Variants in KCNH7 observed in about 807,000 individuals in gnomAD.
The protein encoded by KCNH7 is voltage-gated inwardly rectifying potassium channel KCNH7.
KCNH7 carries 49 observed loss-of-function variants against 120.8 expected under a neutral mutation model. The observed-to-expected ratio is 0.41, with a 90% CI of 0.32 to 0.51. The LOEUF (loss-of-function observed/expected upper bound fraction) is 0.51, where lower values mean the gene tolerates loss of function less well. Among genes scored for constraint, KCNH7 ranks in the 20% least tolerant of loss-of-function variants. The pLI is 0.38. For synonymous variants in KCNH7, 547 were observed against 516.1 expected, an observed-to-expected ratio of 1.06 and a Z score of -0.81; for missense variants, 1,097 against 1,446.6, an observed-to-expected ratio of 0.76 and a Z score of 3.92.
At chr2:162,483,429 G>A (rs1240349586) in intron 6 of KCNH7, among the ~76,000 whole-genome samples, 1 of 152,114 alleles carries the variant, frequency 6.6e-6, no homozygotes, top group Non-Finnish European at 1.5e-5. Flanking sequence ...CACATAGAAT[G>A]GAAGAGGGAT....
In KCNH7 at chr2:162,518,017, G is replaced by A. The variant is rs1004219995; in HGVS notation, c.605C>T (p.Ser202Phe). The part of the protein sequence containing the change: ...DDSVAMKHFK[S>F]PTKESCSPSE... ...GGGGCTGCAGCTTTCTTTTGTAGGAGACTTAAAATGCTTCATGGCTACTGA... is the reference window on the plus strand; with the variant it reads ...GGGGCTGCAGCTTTCTTTTGTAGGAAACTTAAAATGCTTCATGGCTACTGA... Residue 202 changes from serine (S) to phenylalanine (F), a missense_variant, in exon 4 of 16, where the codon TCT (serine) becomes TTT (phenylalanine). By Grantham distance (155) the Ser-to-Phe change is radical. Transcript: ENST00000332142. 1.9e-6 allele frequency: 3 copies of A among 1,612,308 alleles called. No homozygotes were observed. The highest frequency in any genetic ancestry group is 1.7e-5 in the Admixed American group (1 of 59,904).
chr2:162,403,178 T>C (rs1687113672), intron 9 of KCNH7, among the ~76,000 whole-genome samples: 1 of 151,912 alleles, frequency 6.6e-6, no homozygotes, highest in South Asian at 2.1e-4. Context: ...TCTGAAAAAT[T>C]AGTATAATCT....
At chr2:162,781,008 A>G (rs1683460439) in intron 2 of KCNH7, among the ~76,000 whole-genome samples, 1 of 152,144 alleles carries the variant, frequency 6.6e-6, no homozygotes, top group South Asian at 2.1e-4. Flanking sequence ...ATGGCCATTT[A>G]CATATCCAAT....
At chr2:162,806,484 C>T (rs1346470770) in intron 2 of KCNH7, among the ~76,000 whole-genome samples, 3 of 152,022 alleles carry the variant, frequency 2.0e-5, no homozygotes, top group Non-Finnish European at 4.4e-5. Context: ...CATAGATTTC[C>T]TTATCTCCAT....
In KCNH7 at chr2:162,641,285, A is replaced by C. The variant is rs1684147464; in HGVS notation, c.308-104205T>G. On this transcript the variant is annotated intron_variant, in intron 2 of 15. Coordinates refer to ENST00000332142, the MANE Select transcript of KCNH7 (RefSeq NM_033272.4). ...ACCTTCAACAGATGAACAGTTATAC[A>C]AACTATGGTACATGTGTATCGTGGA... is the stretch of plus-strand genomic sequence containing the variant. Among the ~76,000 whole-genome samples the C allele has an allele frequency of 2.0e-5, 3 of 152,238 alleles. No homozygotes were observed. In the South Asian group the frequency reaches 6.2e-4, roughly 31 times the overall value.
intron 8 of KCNH7, among the ~76,000 whole-genome samples, chr2:162,423,825 A>G (rs1001135701): frequency 1.3e-5 from 2 of 152,178 alleles, no homozygotes; most frequent in Non-Finnish European, 2.9e-5. Flanking sequence ...GAGAAAATGC[A>G]TTTGAAATAA....
In KCNH7 at chr2:162,451,015, G is replaced by C. The variant is rs13426938; in HGVS notation, c.1129-4572C>G. 3.3e-3 allele frequency among the ~76,000 whole-genome samples: 500 copies of C among 152,042 alleles called. 2 individuals are homozygous for C. Among genetic ancestry groups the C allele is most frequent in the African/African-American group, 0.011 (473 of 41,500 alleles). ...TAGCAAATCTTATTAGACCCAATCA[G>C]GTAATATAAATCTTTGAAGTGTTTG... On this transcript the variant is annotated intron_variant, in intron 6 of 15. Coordinates refer to ENST00000332142, the MANE Select transcript of KCNH7 (RefSeq NM_033272.4).
intron 6 of KCNH7, among the ~76,000 whole-genome samples, chr2:162,471,177 C>T (rs1020581506): frequency 4.0e-5 from 6 of 151,780 alleles, no homozygotes; most frequent in Non-Finnish European, 8.8e-5. Context: ...TGCTGACCTT[C>T]CCTTCACTAT....
chr2:162,446,178 T>C lies in KCNH7; in HGVS notation c.1394A>G (p.Asp465Gly). ...DLIVDIMFII[D>G]ILINFRTTYV... ...TGTTGTTCTGAAGTTTATTAAAATA[T>C]CTATGATAAACATAATATCCACAAT... Residue 465 changes from aspartate to glycine, a missense_variant, in exon 7 of 16, where the codon GAT (aspartate) becomes GGT (glycine). Asp to Gly is a moderately conservative substitution (Grantham distance 94). Coordinates refer to ENST00000332142, the MANE Select transcript of KCNH7 (RefSeq NM_033272.4). 1 of 1,613,730 alleles carries C rather than the reference T, an allele frequency of 6.2e-7. No individual in the cohort carries two copies. The highest frequency in any genetic ancestry group is 8.5e-7 in the Non-Finnish European group (1 of 1,179,718).
At chr2:162,808,105 T>C (rs1278983408) in intron 2 of KCNH7, among the ~76,000 whole-genome samples, 2 of 152,222 alleles carry the variant, frequency 1.3e-5, no homozygotes, top group Non-Finnish European at 2.9e-5. Context: ...TAAAATGGCA[T>C]GATATTTGCA....
chr2:162,400,546 C>T (rs1049556493), intron 9 of KCNH7, 105 bp from the exon 10 acceptor site: 28 of 1,114,936 alleles, frequency 2.5e-5, no homozygotes, highest in Admixed American at 1.2e-4. Context: ...GTCATTGCCA[C>T]GCAGGAGTTC....
chr2:162,487,793 T>C (rs987421459), intron 6 of KCNH7, among the ~76,000 whole-genome samples: 1 of 152,184 alleles, frequency 6.6e-6, no homozygotes, highest in Non-Finnish European at 1.5e-5. Flanking sequence ...ATATGGGATT[T>C]CTTTCTAAAT....
chr2:162,516,266 A>C (rs1691291483), intron 4 of KCNH7, among the ~76,000 whole-genome samples: 1 of 151,742 alleles, frequency 6.6e-6, no homozygotes, highest in South Asian at 2.1e-4. Context: ...ATAAAATGCA[A>C]TCCATGCTAC....
At chr2:162,743,746 T>A (rs1021150741) in intron 2 of KCNH7, among the ~76,000 whole-genome samples, 1 of 152,124 alleles carries the variant, frequency 6.6e-6, no homozygotes, top group Admixed American at 6.6e-5. Context: ...TGTAAAGATG[T>A]CCTTAAAATT....
chr2:162,525,975 C>T (rs1051091531), intron 3 of KCNH7, among the ~76,000 whole-genome samples: 4 of 151,858 alleles, frequency 2.6e-5, no homozygotes, highest in African/African-American at 4.8e-5. Context: ...AGCCAGATAT[C>T]GGGTGAAATT....
intron 6 of KCNH7, among the ~76,000 whole-genome samples, chr2:162,503,470 G>C (rs910146525): frequency 2.6e-5 from 4 of 151,954 alleles, no homozygotes; most frequent in African/African-American, 9.7e-5. Context: ...AGAATGGCGT[G>C]TATAATTTCT....
chr2:162,593,374 T>C (rs1008675091), intron 2 of KCNH7, among the ~76,000 whole-genome samples: 1 of 152,068 alleles, frequency 6.6e-6, no homozygotes, highest in Admixed American at 6.6e-5. Flanking sequence ...GTGATGGCTC[T>C]CTTGAAGAGT....
At position 162,784,054 on chromosome 2, in the gene KCNH7, T is replaced by G. The variant is rs891309440; in HGVS notation, c.307+52483A>C. 3.7e-4 allele frequency among the ~76,000 whole-genome samples: 57 copies of G among 152,208 alleles called. 1 individual carries two copies. Among genetic ancestry groups the G allele is most frequent in the Non-Finnish European group, 5.9e-5 (4 of 68,036 alleles). On this transcript the variant is annotated intron_variant, in intron 2 of 15. Transcript: ENST00000332142. ...TTCAGGAATTCTCATGACTTTCATT[T>G]ATGCAGAACTCCCATTTAGTCTGAA...
chr2:162,617,600 A>G (rs772201178), intron 2 of KCNH7, among the ~76,000 whole-genome samples: 4 of 152,204 alleles, frequency 2.6e-5, no homozygotes, highest in Non-Finnish European at 4.4e-5. Context: ...AAAAACAGTT[A>G]TATATATAAA....
Sources: gnomAD v4.1 joint callset for allele counts (sites outside exome capture counted in the v4.1 genomes callset) on GRCh38, gnomAD v4.1.1 for gene constraint, MANE v1.5 for transcripts, NCBI Gene and HGNC (gene_info 2026-07-23, HGNC 2026-07-21) for gene names.